Variants in OSBPL8 observed in about 807,000 individuals in gnomAD.
OSBPL8 encodes oxysterol-binding protein-related protein 8.
Under a neutral mutation model 125.5 loss-of-function variants are expected in OSBPL8, and 59 were observed. The ratio of observed to expected loss-of-function variants is 0.47; its 90% CI spans 0.38 to 0.58. The LOEUF (loss-of-function observed/expected upper bound fraction) is 0.58, where lower values mean the gene tolerates loss of function less well. Ranked by LOEUF, OSBPL8 falls within the 20% of genes least tolerant of loss-of-function variation. The pLI, the probability that OSBPL8 is intolerant of heterozygous loss-of-function variation, is 0.00. For missense variants in OSBPL8, 758 were observed against 1,047.8 expected, an observed-to-expected ratio of 0.72 and a Z score of 3.82; for synonymous variants, 330 against 338.9, an observed-to-expected ratio of 0.97 and a Z score of 0.29.
intron 1 of OSBPL8, among the ~76,000 whole-genome samples, chr12:76,551,958 T>C (rs1397370661): frequency 2.0e-5 from 3 of 152,162 alleles, no homozygotes; most frequent in Non-Finnish European, 4.4e-5. Context: ...TTTCACATGG[T>C]AAATTTAGGG....
At chr12:76,487,162 T>A (rs1045242534) in intron 2 of OSBPL8, among the ~76,000 whole-genome samples, 1 of 151,226 alleles carries the variant, frequency 6.6e-6, no homozygotes, top group Non-Finnish European at 1.5e-5. Flanking sequence ...CCCAAGTAAC[T>A]GGGACTACAG....
intron 21 of OSBPL8, among the ~76,000 whole-genome samples, chr12:76,360,308 C>T (rs1271124618): frequency 6.6e-6 from 1 of 152,176 alleles, no homozygotes; most frequent in African/African-American, 2.4e-5. Flanking sequence ...AATTTTAAAG[C>T]TCCAAAATGA....
Position 76,499,350 on chromosome 12 carries a change from C to CATCTATCT in OSBPL8, c.-67-11740_-67-11733dup, listed in dbSNP as rs1555231511. ...TCTATCTATCTATCTATCTATCTAT[C>CATCTATCT]ATCTATCTATCTATCTAATCTATCT... is the stretch of plus-strand genomic sequence containing the variant. On this transcript the variant is annotated intron_variant, in intron 1 of 23. Transcript: ENST00000261183. Among the ~76,000 whole-genome samples, 18 of 107,478 alleles carry CATCTATCT rather than the reference C, an allele frequency of 1.7e-4. 1 individual carries two copies. The highest frequency in any genetic ancestry group is 2.3e-4 in the Non-Finnish European group (12 of 52,892). 70.5% of individuals were successfully genotyped at this position (107,478 alleles called of 152,430 possible).
chr12:76,394,587 A>T lies in OSBPL8; in HGVS notation c.757+58T>A, dbSNP rs969213078. The T allele has an allele frequency of 1.3e-5, 16 of 1,212,180 alleles. No individual in the cohort carries two copies. The African/African-American group carries it at 2.4e-4, about 18-fold the overall frequency. 75.1% of individuals were successfully genotyped at this position (1,212,180 alleles called of 1,614,324 possible). On this transcript the variant is annotated intron_variant, in intron 9 of 23. Coordinates refer to ENST00000261183, the MANE Select transcript of OSBPL8 (RefSeq NM_020841.5). ...TTTCCCCAGAATAATACAAAGTGGC[A>T]TTAAAAAAACTCTTAAAAATGAAGA...
At chr12:76,370,255 T>A (rs551812219) in intron 19 of OSBPL8, among the ~76,000 whole-genome samples, 2 of 152,284 alleles carry the variant, frequency 1.3e-5, no homozygotes, top group East Asian at 3.9e-4. Context: ...ATCCATGAAT[T>A]ATCAGAGAAT....
At chr12:76,444,567 A>G (rs1027780588) in intron 4 of OSBPL8, among the ~76,000 whole-genome samples, 10 of 152,248 alleles carry the variant, frequency 6.6e-5, no homozygotes, top group Non-Finnish European at 1.3e-4. Context: ...AGCTGGGTCC[A>G]CGATGATGAG....
In OSBPL8 at chr12:76,358,712, T is replaced by G; in HGVS notation, c.2428A>C (p.Ser810Arg). 6.2e-7 allele frequency: 1 copy of G among 1,607,844 alleles called. No individual in the cohort carries two copies. Among genetic ancestry groups the G allele is most frequent in the Non-Finnish European group, 8.5e-7 (1 of 1,174,228 alleles). ...PEPDIQDSSG[S>R]EAQSVKPSTR... ...CTGCAATAAATATTTTTACCTTCACTTCCAGAGGAGTCTTGAATGTCAGGT... is the reference window on the plus strand; with the variant it reads ...CTGCAATAAATATTTTTACCTTCACGTCCAGAGGAGTCTTGAATGTCAGGT... Residue 810 changes from serine to arginine, a missense_variant, in exon 22 of 24, where the codon AGT (serine) becomes CGT (arginine). Physicochemically the swap from Ser to Arg is moderately radical, Grantham distance 110. Around this residue, in one of 3 missense-constraint regions of OSBPL8, gnomAD observed 572 missense variants for 762.0 expected, o/e 0.75. Coordinates refer to ENST00000261183, the MANE Select transcript of OSBPL8 (RefSeq NM_020841.5).
At chr12:76,482,992 T>C (rs1412755026) in intron 2 of OSBPL8, among the ~76,000 whole-genome samples, 1 of 152,178 alleles carries the variant, frequency 6.6e-6, no homozygotes, top group South Asian at 2.1e-4. Flanking sequence ...CAGGGCACGG[T>C]GGCTCATGCC....
intron 8 of OSBPL8, among the ~76,000 whole-genome samples, chr12:76,395,987 G>A (rs901732846): frequency 6.0e-5 from 9 of 150,454 alleles, no homozygotes; most frequent in Non-Finnish European, 1.2e-4. Flanking sequence ...CCTAAGAGTA[G>A]TAGAATACTA....
At chr12:76,361,342 C>G (rs188818716) in intron 21 of OSBPL8, among the ~76,000 whole-genome samples, 3 of 152,334 alleles carry the variant, frequency 2.0e-5, no homozygotes, top group Admixed American at 6.5e-5. Flanking sequence ...TCATCTCCAT[C>G]TGAGACCACC....
At chr12:76,495,230 T>C (rs1879152764) in intron 1 of OSBPL8, among the ~76,000 whole-genome samples, 1 of 152,226 alleles carries the variant, frequency 6.6e-6, no homozygotes, top group African/African-American at 2.4e-5. Context: ...ATAAACCAGT[T>C]ATCTTCCAGT....
chr12:76,520,862 T>C (rs1882006507), intron 1 of OSBPL8, among the ~76,000 whole-genome samples: 1 of 152,208 alleles, frequency 6.6e-6, no homozygotes, highest in Non-Finnish European at 1.5e-5. Flanking sequence ...AATTAGGCCT[T>C]TATAAAAATG....
intron 1 of OSBPL8, among the ~76,000 whole-genome samples, chr12:76,550,648 G>A (rs770485098): frequency 1.3e-5 from 2 of 152,192 alleles, no homozygotes; most frequent in African/African-American, 2.4e-5. Flanking sequence ...GTGTTGGGCC[G>A]CATTCAAAAC....
intron 1 of OSBPL8, among the ~76,000 whole-genome samples, chr12:76,507,878 TAC>T (rs1880569693): frequency 6.9e-6 from 1 of 145,048 alleles, no homozygotes; most frequent in African/African-American, 2.6e-5. Context: ...AGAAGAATAT[TAC>T]TGGAAGATGG....
chr12:76,426,636 G>A (rs1346447502), intron 4 of OSBPL8, among the ~76,000 whole-genome samples: 7 of 152,102 alleles, frequency 4.6e-5, no homozygotes, highest in Non-Finnish European at 7.4e-5. Context: ...TGCTGGGTAC[G>A]TAAGTATTGG....
intron 2 of OSBPL8, among the ~76,000 whole-genome samples, chr12:76,483,047 G>C (rs1216606830): frequency 6.6e-6 from 1 of 152,046 alleles, no homozygotes. Flanking sequence ...GGATCATGAG[G>C]TCAGCAGTTC....
chr12:76,384,378 T>C (rs369792027), intron 14 of OSBPL8, 28 bp from the exon 15 acceptor site: 2 of 1,135,996 alleles, frequency 1.8e-6, no homozygotes, highest in African/African-American at 1.6e-5. Flanking sequence ...AACATGCATA[T>C]ATAAAATATA....
At chr12:76,415,330 C>A (rs1172707026) in intron 4 of OSBPL8, among the ~76,000 whole-genome samples, 1 of 151,760 alleles carries the variant, frequency 6.6e-6, no homozygotes, top group Non-Finnish European at 1.5e-5. Flanking sequence ...TCACTGCAAC[C>A]TCTGCCTCCC....
intron 1 of OSBPL8, among the ~76,000 whole-genome samples, chr12:76,494,415 T>C (rs1002310979): frequency 6.6e-6 from 1 of 152,204 alleles, no homozygotes; most frequent in African/African-American, 2.4e-5. Context: ...CTGAGATTTT[T>C]AGTTTCTCTG....
Sources: allele counts gnomAD v4.1 joint callset (sites outside exome capture counted in the v4.1 genomes callset), GRCh38; gene constraint gnomAD v4.1.1; regional missense constraint gnomAD v4.1.1; transcripts MANE v1.5; gene names NCBI Gene and HGNC (gene_info 2026-07-23, HGNC 2026-07-21).